DZANK1: variants seen among roughly 807,000 people sequenced by gnomAD.
DZANK1 encodes the protein double zinc ribbon and ankyrin repeat domains 1, also known as double zinc ribbon and ankyrin repeat-containing protein 1.
In DZANK1, 91 loss-of-function variants were observed where a neutral mutation model predicts 94.5. The ratio of observed to expected loss-of-function variants is 0.96; its 90% CI spans 0.81 to 1.15. The LOEUF (loss-of-function observed/expected upper bound fraction) is 1.15, where lower values mean the gene tolerates loss of function less well. DZANK1 is among the 50% of genes most tolerant of loss of function. The pLI is 0.00. For synonymous variants in DZANK1, 312 were observed against 325.3 expected (o/e 0.96, Z 0.44); for missense variants, 903 against 916.4 (o/e 0.99, Z 0.19).
chr20:18,387,129 T>C (rs992624692), intron 19 of DZANK1, among the ~76,000 whole-genome samples: 1 of 152,192 alleles, frequency 6.6e-6, no homozygotes, highest in Non-Finnish European at 1.5e-5. Flanking sequence ...CTTGGGCCTT[T>C]ATAAAGCATT....
chr20:18,460,390 A>T (rs2059434520), intron 2 of DZANK1, 84 bp from the exon 3 acceptor site: 1 of 994,990 alleles, frequency 1.0e-6, no homozygotes. Context: ...TTTAAGATCT[A>T]AGTGTGTGAT....
intron 9 of DZANK1, among the ~76,000 whole-genome samples, chr20:18,430,311 A>T (rs2058233226): frequency 6.6e-6 from 1 of 152,196 alleles, no homozygotes; most frequent in Non-Finnish European, 1.5e-5. Context: ...CCTGTGACTC[A>T]GGCACAGGAA....
intron 7 of DZANK1, among the ~76,000 whole-genome samples, chr20:18,444,637 C>T (rs938981705): frequency 2.0e-5 from 3 of 152,022 alleles, no homozygotes; most frequent in Admixed American, 2.0e-4. Context: ...CTTACACCAG[C>T]CAAAGTGGAA....
At chr20:18,403,734 G>GCC (rs781696194) in intron 13 of DZANK1, among the ~76,000 whole-genome samples, 124,757 of 150,902 alleles carry the variant, frequency 0.83, 52,107 homozygotes, top group South Asian at 0.96. Flanking sequence ...CCATGGGTTG[G>GCC]ACATGTGACC....
intron 10 of DZANK1, among the ~76,000 whole-genome samples, chr20:18,419,779 T>C (rs1439366294): frequency 6.6e-6 from 1 of 150,992 alleles, no homozygotes; most frequent in Non-Finnish European, 1.5e-5. Flanking sequence ...CTCTAAGAAG[T>C]GATAAAGGGA....
chr20:18,399,034 G>A (rs2056522300), intron 13 of DZANK1, among the ~76,000 whole-genome samples: 1 of 150,976 alleles, frequency 6.6e-6, no homozygotes, highest in African/African-American at 2.4e-5. Flanking sequence ...CAAGGGGCAG[G>A]AGAATCGCTT....
At chr20:18,440,582 C>T (rs1471540333) in intron 8 of DZANK1, among the ~76,000 whole-genome samples, 1 of 152,094 alleles carries the variant, frequency 6.6e-6, no homozygotes, top group Non-Finnish European at 1.5e-5. Flanking sequence ...GGGTTGGGTC[C>T]CTAGAATGCA....
At chr20:18,428,345 C>T (rs1034932930) in intron 9 of DZANK1, among the ~76,000 whole-genome samples, 72 of 151,876 alleles carry the variant, frequency 4.7e-4, no homozygotes, top group Non-Finnish European at 1.0e-4. Context: ...CATGCCACTA[C>T]GCCTGGCTAA....
chr20:18,446,823 T>G (rs2058896200), intron 7 of DZANK1, among the ~76,000 whole-genome samples: 1 of 152,178 alleles, frequency 6.6e-6, no homozygotes, highest in South Asian at 2.1e-4. Flanking sequence ...GTGAAAACAC[T>G]TCCTAACTTA....
chr20:18,389,926 C>A, intron 18 of DZANK1, 98 bp from the exon 19 acceptor site: 1 of 1,526,656 alleles, frequency 6.6e-7, no homozygotes. Flanking sequence ...CTTTACAGAG[C>A]TGATGCAACT....
intron 12 of DZANK1, 38 bp from the exon 13 acceptor site, chr20:18,412,891 A>C (rs570050434): frequency 2.6e-6 from 4 of 1,525,014 alleles, no homozygotes; most frequent in African/African-American, 2.8e-5. Flanking sequence ...AAATTAGAAT[A>C]TAATTTAATC....
chr20:18,466,786 C>T (rs1219384684), intron 1 of DZANK1: 3 of 152,346 alleles, frequency 2.0e-5, no homozygotes, highest in Non-Finnish European at 2.9e-5. Context: ...ACTCTCCCAA[C>T]GTGGACCGCC....
At chr20:18,406,391 G>A (rs374269824) in intron 13 of DZANK1, among the ~76,000 whole-genome samples, 6 of 152,198 alleles carry the variant, frequency 3.9e-5, no homozygotes, top group Admixed American at 6.5e-5. Flanking sequence ...AGGCAGAGCC[G>A]TAAGGCCCCC....
intron 8 of DZANK1, among the ~76,000 whole-genome samples, chr20:18,437,543 C>T (rs910575328): frequency 2.2e-4 from 34 of 151,600 alleles, no homozygotes; most frequent in East Asian, 7.8e-4. Flanking sequence ...TGTGCCACTG[C>T]GCTCACTCCA....
Position 18,398,504 on chromosome 20 carries a change from G to T in DZANK1, c.1536+19C>A. ...TGATCCCGTGGACACTTGTGGAGTG[G>T]AAATTTCATCTCACCCACCTTTCCC... On this transcript the variant is annotated intron_variant, in intron 14 of 20. Transcript: ENST00000262547. 1 of 1,612,212 alleles carries T rather than the reference G, an allele frequency of 6.2e-7. No homozygotes were observed. The highest frequency in any genetic ancestry group is 8.5e-7 in the Non-Finnish European group (1 of 1,178,344).
At chr20:18,449,752 T>A in intron 6 of DZANK1, among the ~76,000 whole-genome samples, 1 of 70,454 alleles carries the variant, frequency 1.4e-5, no homozygotes. Context: ...TGAGACTCTG[T>A]CTCAAAAAAA....
chr20:18,460,900 T>A (rs1410377255), intron 2 of DZANK1, among the ~76,000 whole-genome samples: 1 of 152,216 alleles, frequency 6.6e-6, no homozygotes, highest in African/African-American at 2.4e-5. Context: ...TACAACCCTA[T>A]GAGGTAGGTC....
chr20:18,447,934 G>T (rs910130312), intron 7 of DZANK1, among the ~76,000 whole-genome samples: 1 of 152,092 alleles, frequency 6.6e-6, no homozygotes, highest in Non-Finnish European at 1.5e-5. Flanking sequence ...CAAGGTATTT[G>T]CCCCAAGGGA....
At chr20:18,399,826 T>C (rs2056574407) in intron 13 of DZANK1, among the ~76,000 whole-genome samples, 1 of 152,040 alleles carries the variant, frequency 6.6e-6, no homozygotes, top group Non-Finnish European at 1.5e-5. Context: ...GGGCACAGGC[T>C]CTCCAGCCAG....
Sources: allele counts gnomAD v4.1 joint callset (sites outside exome capture counted in the v4.1 genomes callset), GRCh38; gene constraint gnomAD v4.1.1; transcripts MANE v1.5; gene names NCBI Gene and HGNC (gene_info 2026-07-23, HGNC 2026-07-21).